RIC1: variants seen among roughly 807,000 people sequenced by gnomAD.
RIC1 encodes guanine nucleotide exchange factor subunit RIC1.
A neutral mutation model predicts 169.0 loss-of-function variants in RIC1; 88 were observed. The observed-to-expected ratio is 0.52, with a 90% CI of 0.44 to 0.62. The LOEUF (loss-of-function observed/expected upper bound fraction) is 0.62, where lower values mean the gene tolerates loss of function less well. Among genes scored for constraint, RIC1 ranks in the 20% least tolerant of loss-of-function variants. RIC1 has a pLI of 0.00. For synonymous variants in RIC1, 790 were observed against 601.5 expected, an observed-to-expected ratio of 1.31 and a Z score of -4.59; for missense variants, 1,877 against 1,725.5, an observed-to-expected ratio of 1.09 and a Z score of -1.56.
chr9:5,658,699 T>C (rs1300099351), intron 2 of RIC1, among the ~76,000 whole-genome samples: 1 of 152,104 alleles, frequency 6.6e-6, no homozygotes, highest in South Asian at 2.1e-4. Flanking sequence ...TGTGAAAATA[T>C]AAGACTTTTA....
In RIC1 at chr9:5,776,352, A is replaced by G. The variant is rs965690333; in HGVS notation, c.*2106A>G. ...GGTTCACATATCAACTGTTTAAGCC[A>G]TAATTTTAGCCAATGAATTTAAATA... On this transcript the variant is annotated 3_prime_UTR_variant, in exon 26 of 26. Transcript: ENST00000414202. 2.6e-5 allele frequency: 4 copies of G among 152,170 alleles called. No homozygotes were observed. The highest frequency in any genetic ancestry group is 9.7e-5 in the African/African-American group (4 of 41,448). 9.4% of individuals were successfully genotyped at this position (152,170 alleles called of 1,614,324 possible). A position where few individuals can be genotyped will look rare whatever the true frequency, so the allele number is the denominator to read the frequency against.
chr9:5,726,860 A>C (rs146824157), intron 6 of RIC1, among the ~76,000 whole-genome samples: 1 of 152,118 alleles, frequency 6.6e-6, no homozygotes, highest in African/African-American at 2.4e-5. Context: ...ATTCTTTTCT[A>C]TAAGAATGTT....
intron 2 of RIC1, among the ~76,000 whole-genome samples, chr9:5,657,261 CT>C (rs1383241313): frequency 2.2e-4 from 33 of 151,962 alleles, no homozygotes; most frequent in Non-Finnish European, 1.0e-4. Flanking sequence ...TCTGTTTCTC[CT>C]TTTTTTCTTC....
chr9:5,758,722 C>CTTTTTTTTTTTTTTTTTTTTTTTCT (rs754931692), intron 17 of RIC1, among the ~76,000 whole-genome samples: 7 of 98,432 alleles, frequency 7.1e-5, no homozygotes, highest in African/African-American at 1.6e-4. Context: ...GGTCTCCCTT[C>CTTTTTTTTTTTTTTTTTTTTTTTCT]TTTTTTTTTT....
In RIC1 at chr9:5,629,234, T is replaced by G; in HGVS notation, c.-76T>G. ...GCCGCCGACTCGGCCGGTGGCGGTG[T>G]GGGAGGTGGGCGACCAGCCCGGGGC... On this transcript the variant is annotated 5_prime_UTR_variant, in exon 1 of 26. Coordinates refer to ENST00000414202, the MANE Select transcript of RIC1 (RefSeq NM_020829.4). The G allele has an allele frequency of 7.9e-7, 1 of 1,265,640 alleles. No homozygotes were observed. Among genetic ancestry groups the G allele is most frequent in the Non-Finnish European group, 1.0e-6 (1 of 997,748 alleles). 78.4% of individuals were successfully genotyped at this position (1,265,640 alleles called of 1,614,324 possible). A position where few individuals can be genotyped will look rare whatever the true frequency, so the allele number is the denominator to read the frequency against.
rs1827409078 is a variant in RIC1, at chr9:5,773,878, TC to T, written c.3984-79del. On this transcript the variant is annotated intron_variant, in intron 25 of 25. Coordinates refer to ENST00000414202, the MANE Select transcript of RIC1 (RefSeq NM_020829.4). Reference sequence around the variant, plus strand: ...ATCGTCGTCTTTACCATATCAATGTTCAGTAGAAGTTCACCCGTAATGTTCT... The same window carrying T: ...ATCGTCGTCTTTACCATATCAATGTTAGTAGAAGTTCACCCGTAATGTTCT... 5 of 1,302,838 alleles carry T rather than the reference TC, an allele frequency of 3.8e-6. No individual in the cohort carries two copies. The Admixed American group carries it at 6.9e-5, about 18-fold the overall frequency. 80.7% of individuals were successfully genotyped at this position (1,302,838 alleles called of 1,614,324 possible). A position where few individuals can be genotyped will look rare whatever the true frequency, so the allele number is the denominator to read the frequency against.
chr9:5,629,572 T>A, intron 1 of RIC1, 119 bp downstream of exon 1: 1 of 1,122,666 alleles, frequency 8.9e-7, no homozygotes, highest in South Asian at 1.9e-5. Flanking sequence ...CCCACCTGCC[T>A]TCGCAGTCCG....
chr9:5,745,860 A>G (rs1202755509), intron 10 of RIC1, 71 bp from the exon 11 acceptor site: 1 of 1,311,452 alleles, frequency 7.6e-7, no homozygotes, highest in Non-Finnish European at 1.1e-6. Context: ...AATTTGAATA[A>G]TTGAAGCTAG....
chr9:5,653,647 G>C (rs143334079), intron 1 of RIC1, among the ~76,000 whole-genome samples: 4 of 151,884 alleles, frequency 2.6e-5, no homozygotes, highest in African/African-American at 9.7e-5. Flanking sequence ...ACCCAAGCTG[G>C]AGTGCAATGG....
At chr9:5,631,781 A>G (rs1817728157) in intron 1 of RIC1, among the ~76,000 whole-genome samples, 1 of 151,934 alleles carries the variant, frequency 6.6e-6, no homozygotes, top group Non-Finnish European at 1.5e-5. Context: ...GCTAGACTCC[A>G]GCTTCCAATC....
At chr9:5,766,807 G>A (rs920663891) in intron 21 of RIC1, among the ~76,000 whole-genome samples, 2 of 152,182 alleles carry the variant, frequency 1.3e-5, no homozygotes, top group Non-Finnish European at 2.9e-5. Context: ...TGCTATAAAC[G>A]TGTGTGCAAG....
At chr9:5,688,110 AC>A (rs1272468273) in intron 2 of RIC1, among the ~76,000 whole-genome samples, 1 of 152,244 alleles carries the variant, frequency 6.6e-6, no homozygotes, top group African/African-American at 2.4e-5. Flanking sequence ...CACATTTGGA[AC>A]ATTATGAAAT....
At chr9:5,717,714 G>T (rs530539283) in intron 4 of RIC1, among the ~76,000 whole-genome samples, 72 of 151,948 alleles carry the variant, frequency 4.7e-4, no homozygotes, top group Non-Finnish European at 8.5e-4. Context: ...GCGTGGTGGC[G>T]CATGCCTGTC....
intron 1 of RIC1, among the ~76,000 whole-genome samples, chr9:5,640,953 C>T (rs1818208379): frequency 6.6e-6 from 1 of 152,114 alleles, no homozygotes; most frequent in Admixed American, 6.5e-5. Flanking sequence ...AAGATTTTTA[C>T]TGAAGAGTCT....
At chr9:5,639,167 A>G (rs776624366) in intron 1 of RIC1, among the ~76,000 whole-genome samples, 4 of 152,122 alleles carry the variant, frequency 2.6e-5, no homozygotes, top group African/African-American at 4.8e-5. Context: ...TCGGCTCCCA[A>G]AGTGCTAGGA....
chr9:5,745,941 C>G lies in RIC1; in HGVS notation c.1106C>G (p.Ala369Gly). 6.2e-7 allele frequency: 1 copy of G among 1,612,810 alleles called. No individual in the cohort carries two copies. The highest frequency in any genetic ancestry group is 1.1e-5 in the South Asian group (1 of 90,978). Residue 369 changes from alanine (A) to glycine (G), a missense_variant, in exon 11 of 26, where the codon GCA (alanine) becomes GGA (glycine). Around this residue, in one of 3 missense-constraint regions of RIC1, gnomAD observed 1,104 missense variants for 992.0 expected, o/e 1.11. Transcript: ENST00000414202. ...PLKINSMSWG[A>G]EGYHLWVISG... is the part of the protein sequence containing the mutation. ...CCTCTTCTCTCTAAGAGCTGGGGTG[C>G]AGAAGGCTATCACCTATGGGTAATC...
intron 2 of RIC1, among the ~76,000 whole-genome samples, chr9:5,670,123 C>A (rs1406680936): frequency 6.6e-6 from 1 of 152,146 alleles, no homozygotes; most frequent in Non-Finnish European, 1.5e-5. Context: ...TTTACTTTGC[C>A]TGTATGAAGT....
At chr9:5,677,627 TGTTCA>T (rs1820531734) in intron 2 of RIC1, among the ~76,000 whole-genome samples, 17 of 151,930 alleles carry the variant, frequency 1.1e-4, no homozygotes, top group African/African-American at 3.9e-4. Flanking sequence ...TCTCCAACTT[TGTTCA>T]TTTTCAAAGT....
chr9:5,629,590 G>T (rs959641196), intron 1 of RIC1, 137 bp downstream of exon 1: 2 of 1,015,516 alleles, frequency 2.0e-6, no homozygotes, highest in Non-Finnish European at 2.7e-6. Flanking sequence ...CCGCGTCCTC[G>T]TTCCACCGAA....
Sources: gnomAD v4.1 joint callset for allele counts (sites outside exome capture counted in the v4.1 genomes callset) on GRCh38, gnomAD v4.1.1 for gene constraint, gnomAD v4.1.1 regional missense constraint, MANE v1.5 for transcripts, NCBI Gene and HGNC (gene_info 2026-07-23, HGNC 2026-07-21) for gene names.